TAP2: variants seen among roughly 807,000 people sequenced by gnomAD.
TAP2 encodes the protein antigen peptide transporter 2.
In TAP2, 49 loss-of-function variants were observed where a neutral mutation model predicts 74.7. The ratio of observed to expected loss-of-function variants is 0.66; its 90% confidence interval spans 0.52 to 0.83. TAP2 has a LOEUF of 0.83. Among genes scored for constraint, TAP2 ranks in the 40% least tolerant of loss-of-function variants. TAP2 has a pLI of 0.00. For synonymous variants in TAP2, 306 were observed against 368.4 expected, an observed-to-expected ratio of 0.83 and a Z score of 1.94; for missense variants, 739 against 859.0, an observed-to-expected ratio of 0.86 and a Z score of 1.75.
intron 7 of TAP2, among the ~76,000 whole-genome samples, chr6:32,831,777 T>TAGAC (rs1014290988): frequency 1.3e-5 from 2 of 152,156 alleles, no homozygotes; most frequent in Non-Finnish European, 2.9e-5. Context: ...GATAGATAGA[T>TAGAC]AGACAGACAG....
Position 32,827,170 on chromosome 6 carries a change from C to G in TAP2, c.*1736G>C, listed in dbSNP as rs17220178. On this transcript the variant is annotated 3_prime_UTR_variant, in exon 12 of 12. Coordinates refer to ENST00000374897, the MANE Select transcript of TAP2 (RefSeq NM_001290043.2). ...GGGAATTCATTGCCAGCACTGGAAA[C>G]TACCTGCTGTTTCCAGGAATATGAA... 0.01 allele frequency: 10,122 copies of G among 985,422 alleles called. 461 individuals carry two copies. In the African/African-American group the frequency reaches 0.12, roughly 12 times the overall value. 61.0% of individuals were successfully genotyped at this position (985,422 alleles called of 1,614,324 possible).
chr6:32,828,257 A>G lies in TAP2; in HGVS notation c.*649T>C. 6 of 983,978 alleles carry G rather than the reference A, an allele frequency of 6.1e-6. No homozygotes were observed. Among genetic ancestry groups the G allele is most frequent in the Non-Finnish European group, 7.2e-6 (6 of 828,646 alleles). 61.0% of individuals were successfully genotyped at this position (983,978 alleles called of 1,614,324 possible). ...GCTCCTACTCCCATTAAAACTCTAT[A>G]AATGGTAGCTGTTACCAATGTCGCT... On this transcript the variant is annotated 3_prime_UTR_variant, in exon 12 of 12. Coordinates refer to ENST00000374897, the MANE Select transcript of TAP2 (RefSeq NM_001290043.2).
At chr6:32,837,065 A>C (rs1256767128) in intron 3 of TAP2, among the ~76,000 whole-genome samples, 1 of 152,208 alleles carries the variant, frequency 6.6e-6, no homozygotes, top group African/African-American at 2.4e-5. Context: ...GATTCTGGAA[A>C]GAAAGGTGAT....
chr6:32,835,534 C>T lies in TAP2; in HGVS notation c.739+109G>A. 5.8e-6 allele frequency: 9 copies of T among 1,545,320 alleles called. No individual in the cohort carries two copies. Among genetic ancestry groups the T allele is most frequent in the African/African-American group, 1.4e-5 (1 of 73,566 alleles). ...CCTGTCCCAAACAAGAGAAAAGCAT[C>T]CCCAAGTCCTGGCATACGGGTGAAG... On this transcript the variant is annotated intron_variant, in intron 4 of 11. Coordinates refer to ENST00000374897, the MANE Select transcript of TAP2 (RefSeq NM_001290043.2). The surrounding 1 kb of genome is among the most constrained non-coding windows in gnomAD (Gnocchi z 4.0).
chr6:32,826,901 A>T lies in TAP2; in HGVS notation c.*2005T>A. The stretch of plus-strand genomic sequence containing the variant: ...GTAGTTGGGAGATACAGGAATTATT[A>T]TTCCTGTTTTATGAATAAAGGACAT... On this transcript the variant is annotated 3_prime_UTR_variant, in exon 12 of 12. Transcript: ENST00000374897. 1.0e-6 allele frequency: 1 copy of T among 985,386 alleles called. No individual in the cohort carries two copies. The highest frequency in any genetic ancestry group is 1.7e-5 in the African/African-American group (1 of 57,336). The allele number at this position is 985,386 out of a possible 1,614,324, so 61.0% of individuals were successfully genotyped here.
In TAP2 at chr6:32,828,679, C is replaced by CACCCCACTA; in HGVS notation, c.*226_*227insTAGTGGGGT. ...TAAGTTTCCTGGACACAGACAGCCCCCACCCCACCCCACCCCACCTCTCTA... is the reference window on the plus strand; with the variant it reads ...TAAGTTTCCTGGACACAGACAGCCCCACCCCACTACACCCCACCCCACCCCACCTCTCTA... On this transcript the variant is annotated 3_prime_UTR_variant, in exon 12 of 12. Coordinates refer to ENST00000374897, the MANE Select transcript of TAP2 (RefSeq NM_001290043.2). 1 of 948,140 alleles carries CACCCCACTA rather than the reference C, an allele frequency of 1.1e-6. No individual in the cohort carries two copies. Among genetic ancestry groups the CACCCCACTA allele is most frequent in the Non-Finnish European group, 1.3e-6 (1 of 788,692 alleles). 58.7% of individuals were successfully genotyped at this position (948,140 alleles called of 1,614,324 possible).
rs566368486 is a variant in TAP2 at position 32,835,056 on chromosome 6, A to T, written c.945+98T>A. 104 of 1,283,260 alleles carry T rather than the reference A, an allele frequency of 8.1e-5. No individual in the cohort carries two copies. The highest frequency in any genetic ancestry group is 2.6e-4 in the Middle Eastern group (1 of 3,866). 79.5% of individuals were successfully genotyped at this position (1,283,260 alleles called of 1,614,324 possible). Reference sequence around the variant, plus strand: ...CTTCTCCCCTAATGGCTGAGAAGAGAACATCTCTCTCTAGGGGATCCTCTA... The same window carrying T: ...CTTCTCCCCTAATGGCTGAGAAGAGTACATCTCTCTCTAGGGGATCCTCTA... On this transcript the variant is annotated intron_variant, in intron 5 of 11. Transcript: ENST00000374897. This position sits in a 1 kb window ranked among gnomAD's most constrained non-coding sequence, Gnocchi z 4.0.
rs1768755780 is a variant in TAP2 at position 32,827,759 on chromosome 6, A to G, written c.*1147T>C. 1 of 816,486 alleles carries G rather than the reference A, an allele frequency of 1.2e-6. No individual in the cohort carries two copies. The highest frequency in any genetic ancestry group is 1.4e-6 in the Non-Finnish European group (1 of 707,004). The allele number at this position is 816,486 out of a possible 1,614,324, so 50.6% of individuals were successfully genotyped here. A position where few individuals can be genotyped will look rare whatever the true frequency, so the allele number is the denominator to read the frequency against. ...TGTGTGCTCTGAAAAGGATCTCTGC[A>G]GCAGGGCTTGAGAGCACCTGAAGGA... On this transcript the variant is annotated 3_prime_UTR_variant, in exon 12 of 12. Transcript: ENST00000374897.
At position 32,826,121 on chromosome 6, in the gene TAP2, G is replaced by A. The variant is rs893610790; in HGVS notation, c.*2785C>T. On this transcript the variant is annotated 3_prime_UTR_variant, in exon 12 of 12. Transcript: ENST00000374897. ...GCTCTAAAACACAAGGAAGATCTTT[G>A]TTTTCCTTATTCCCTAGTCCTTTCC... 1.0e-5 allele frequency: 10 copies of A among 985,392 alleles called. No homozygotes were observed. In the African/African-American group the frequency reaches 1.4e-4, roughly 14 times the overall value. 61.0% of individuals were successfully genotyped at this position (985,392 alleles called of 1,614,324 possible). A position where few individuals can be genotyped will look rare whatever the true frequency, so the allele number is the denominator to read the frequency against.
downstream of TAP2, among the ~76,000 whole-genome samples, chr6:32,822,814 A>G (rs993287953): frequency 7.9e-5 from 12 of 152,018 alleles, no homozygotes; most frequent in South Asian, 2.1e-4. Context: ...TATAGGTGTG[A>G]GCCACTGCAC....
Position 32,826,736 on chromosome 6 carries a change from C to G in TAP2, c.*2170G>C. 3 of 985,436 alleles carry G rather than the reference C, an allele frequency of 3.0e-6. No homozygotes were observed. The highest frequency in any genetic ancestry group is 3.6e-6 in the Non-Finnish European group (3 of 829,930). The allele number at this position is 985,436 out of a possible 1,614,324, so 61.0% of individuals were successfully genotyped here. On this transcript the variant is annotated 3_prime_UTR_variant, in exon 12 of 12. Coordinates refer to ENST00000374897, the MANE Select transcript of TAP2 (RefSeq NM_001290043.2). ...GCTGCGTGATTTCATGTCAGTTTCTCTGTAAAATTAGGTTTGACTGTTGCA... is the reference window on the plus strand; with the variant it reads ...GCTGCGTGATTTCATGTCAGTTTCTGTGTAAAATTAGGTTTGACTGTTGCA...
downstream of TAP2, among the ~76,000 whole-genome samples, chr6:32,823,670 G>A (rs1768455331): frequency 6.6e-6 from 1 of 151,894 alleles, no homozygotes; most frequent in Non-Finnish European, 1.5e-5. Flanking sequence ...CATTTATTTA[G>A]TTCAGTTAAG....
rs747171734 is a variant in TAP2 at position 32,837,724 on chromosome 6, G to A, written c.493+17C>T. ...CCTTTTACCACCTCCAACTCACAAC[G>A]TCCTCTCCTGACTCACCCAAAACAG... On this transcript the variant is annotated intron_variant, in intron 2 of 11. Coordinates refer to ENST00000374897, the MANE Select transcript of TAP2 (RefSeq NM_001290043.2). 4 of 1,614,014 alleles carry A rather than the reference G, an allele frequency of 2.5e-6. No individual in the cohort carries two copies. The highest frequency in any genetic ancestry group is 1.7e-5 in the Admixed American group (1 of 59,984).
downstream of TAP2, among the ~76,000 whole-genome samples, chr6:32,822,915 T>C (rs1196098400): frequency 7.3e-6 from 1 of 137,882 alleles, no homozygotes; most frequent in Non-Finnish European, 1.5e-5. Flanking sequence ...TCTGTGTTCA[T>C]ACTTTTTTTT....
intron 5 of TAP2, among the ~76,000 whole-genome samples, chr6:32,834,169 T>G (rs1769264298): frequency 2.0e-5 from 3 of 152,158 alleles, no homozygotes; most frequent in Admixed American, 2.0e-4. Flanking sequence ...AAGCAGGGTT[T>G]CAAACAGGTG....
chr6:32,828,401 T>G lies in TAP2; in HGVS notation c.*505A>C. 1 of 985,916 alleles carries G rather than the reference T, an allele frequency of 1.0e-6. No homozygotes were observed. The highest frequency in any genetic ancestry group is 1.2e-6 in the Non-Finnish European group (1 of 830,324). The allele number at this position is 985,916 out of a possible 1,614,324, so 61.1% of individuals were successfully genotyped here. A position where few individuals can be genotyped will look rare whatever the true frequency, so the allele number is the denominator to read the frequency against. ...GAAGGCAATCTCATGAATATTTATG[T>G]CATTTTTGGTTAATTTCTATCTCAA... On this transcript the variant is annotated 3_prime_UTR_variant, in exon 12 of 12. Transcript: ENST00000374897.
At position 32,826,391 on chromosome 6, in the gene TAP2, T is replaced by C. The variant is rs1768651441; in HGVS notation, c.*2515A>G. 4.1e-6 allele frequency: 4 copies of C among 985,298 alleles called. No homozygotes were observed. The South Asian group carries it at 1.4e-4, about 35-fold the overall frequency. The allele number at this position is 985,298 out of a possible 1,614,324, so 61.0% of individuals were successfully genotyped here. A position where few individuals can be genotyped will look rare whatever the true frequency, so the allele number is the denominator to read the frequency against. Reference sequence around the variant, plus strand: ...AGGCATGCCTGGGTGGGAAAGATACTGCAGGTAAGCGACAAGAAGGGGAAA... The same window carrying C: ...AGGCATGCCTGGGTGGGAAAGATACCGCAGGTAAGCGACAAGAAGGGGAAA... On this transcript the variant is annotated 3_prime_UTR_variant, in exon 12 of 12. Transcript: ENST00000374897.
At chr6:32,837,691 G>A in intron 2 of TAP2, 40 bp from the exon 3 acceptor site, 1 of 1,614,106 alleles carries the variant, frequency 6.2e-7, no homozygotes, top group African/African-American at 1.3e-5. Context: ...ATGTGCTGGT[G>A]CCCAGGCCCT....
chr6:32,837,577 C>T lies in TAP2; in HGVS notation c.568G>A (p.Ala190Thr). 3 of 1,614,068 alleles carry T rather than the reference C, an allele frequency of 1.9e-6. No homozygotes were observed. The highest frequency in any genetic ancestry group is 2.5e-6 in the Non-Finnish European group (3 of 1,179,990). Reference protein sequence around the residue: ...LGGDFDPHAFASAIFFMCLFS... With the variant: ...LGGDFDPHAFTSAIFFMCLFS... ...AGGCACATGAAGAAGATGGCACTGGCAAAGGCATGGGGGTCAAAATCACCT... is the reference window on the plus strand; with the variant it reads ...AGGCACATGAAGAAGATGGCACTGGTAAAGGCATGGGGGTCAAAATCACCT... Residue 190 changes from alanine (A) to threonine (T), a missense_variant, in exon 3 of 12, where the codon GCC (alanine) becomes ACC (threonine). Ala to Thr is a moderately conservative substitution (Grantham distance 58). Coordinates refer to ENST00000374897, the MANE Select transcript of TAP2 (RefSeq NM_001290043.2).
Sources: gnomAD v4.1 joint callset for allele counts (sites outside exome capture counted in the v4.1 genomes callset) on GRCh38, gnomAD v4.1.1 for gene constraint, Gnocchi (gnomAD v3.1) non-coding constraint, MANE v1.5 for transcripts, NCBI Gene and HGNC (gene_info 2026-07-23, HGNC 2026-07-21) for gene names.